Variants in CACNA1A observed in about 807,000 individuals in gnomAD.
The protein encoded by CACNA1A is voltage-dependent P/Q-type calcium channel subunit alpha-1A.
Under a neutral mutation model 262.4 loss-of-function variants are expected in CACNA1A, and 57 were observed. The observed-to-expected ratio is 0.22, with a 90% CI of 0.18 to 0.27. CACNA1A has a LOEUF of 0.27. Among genes scored for constraint, CACNA1A ranks in the 10% least tolerant of loss-of-function variants. The probability of loss-of-function intolerance (pLI) is 1.00; values close to 1 mark genes in which losing one functional copy is unlikely to be tolerated. For synonymous variants in CACNA1A, 1,431 were observed against 1,419.3 expected (o/e 1.01, Z -0.18); for missense variants, 2,526 against 3,562.8 (o/e 0.71, Z 7.41).
At chr19:13,439,434 C>T (rs1254970716) in intron 3 of CACNA1A, among the ~76,000 whole-genome samples, 4 of 144,766 alleles carry the variant, frequency 2.8e-5, no homozygotes, top group African/African-American at 1.0e-4. Flanking sequence ...GAGTCTCGTT[C>T]TGTCGCCCAG....
At chr19:13,348,011 CT>C (rs1479785746) in intron 6 of CACNA1A, among the ~76,000 whole-genome samples, 1 of 152,124 alleles carries the variant, frequency 6.6e-6, no homozygotes, top group Non-Finnish European at 1.5e-5. Context: ...GCTTCAAACC[CT>C]TGGGCTCAGG....
At chr19:13,432,347 G>A (rs1385451279) in intron 3 of CACNA1A, among the ~76,000 whole-genome samples, 3 of 151,342 alleles carry the variant, frequency 2.0e-5, no homozygotes, top group African/African-American at 7.3e-5. Flanking sequence ...CCCAGGAGGC[G>A]GAGGTTGCAG....
chr19:13,314,939 G>T (rs938367940), intron 11 of CACNA1A, among the ~76,000 whole-genome samples: 2 of 152,168 alleles, frequency 1.3e-5, no homozygotes, highest in Non-Finnish European at 2.9e-5. Flanking sequence ...CCCACCAGAA[G>T]TAACTCTGGG....
rs758031682 is a variant in CACNA1A, at chr19:13,380,749, GTTTATTTATTTATTTATTTATTTA to G, written c.540-8994_540-8971del. On this transcript the variant is annotated intron_variant, in intron 3 of 46. Coordinates refer to ENST00000360228, the MANE Select transcript of CACNA1A (RefSeq NM_001127222.2). The stretch of plus-strand genomic sequence containing the variant: ...CATTTATTGGTTTGTTTGTTTGTTT[GTTTATTTATTTATTTATTTATTTA>G]TTTATTTATTTATTTATTTTGAGAC... Among the ~76,000 whole-genome samples, 4 of 80,968 alleles carry G rather than the reference GTTTATTTATTTATTTATTTATTTA, an allele frequency of 4.9e-5. 1 individual carries two copies. The highest frequency in any genetic ancestry group is 2.1e-4 in the Admixed American group (2 of 9,462). 53.1% of individuals were successfully genotyped at this position (80,968 alleles called of 152,430 possible).
chr19:13,383,802 T>C (rs1400221790), intron 3 of CACNA1A, among the ~76,000 whole-genome samples: 4 of 151,580 alleles, frequency 2.6e-5, no homozygotes, highest in Non-Finnish European at 5.9e-5. Context: ...TGGAATTATA[T>C]TGTTTGTTTG....
At position 13,207,308 on chromosome 19, in the gene CACNA1A, CG is replaced by C. The variant is rs1568415069; in HGVS notation, c.*4del. The C allele has an allele frequency of 6.5e-7, 1 of 1,549,736 alleles. No homozygotes were observed. On this transcript the variant is annotated 3_prime_UTR_variant, in exon 47 of 47. Coordinates refer to ENST00000360228, the MANE Select transcript of CACNA1A (RefSeq NM_001127222.2). This position sits in a 1 kb window ranked among gnomAD's most constrained non-coding sequence, Gnocchi z 5.7. Reference sequence around the variant, plus strand: ...GGGGCCGGGCGGGCGCCACCTCGCCCGGGCTTAGCACCAATCATCGTCACTC... The same window carrying C: ...GGGGCCGGGCGGGCGCCACCTCGCCCGGCTTAGCACCAATCATCGTCACTC...
intron 3 of CACNA1A, among the ~76,000 whole-genome samples, chr19:13,406,096 G>A (rs927028965): frequency 2.6e-5 from 4 of 151,870 alleles, no homozygotes; most frequent in African/African-American, 9.7e-5. Context: ...AGGGAGGATC[G>A]CTTGAGGCCA....
At position 13,207,144 on chromosome 19, in the gene CACNA1A, T is replaced by C. The variant is rs1341758535; in HGVS notation, c.*169A>G. On this transcript the variant is annotated 3_prime_UTR_variant, in exon 47 of 47. Transcript: ENST00000360228. The surrounding 1 kb of genome is among the most constrained non-coding windows in gnomAD (Gnocchi z 5.7). ...AGGGTCTCTTTTGGCCGAGGGTCTC[T>C]GCGGGACACCCTTGTGGCCCAGCCC... 6 of 714,258 alleles carry C rather than the reference T, an allele frequency of 8.4e-6. No individual in the cohort carries two copies. The highest frequency in any genetic ancestry group is 4.3e-4 in the Middle Eastern group (1 of 2,346). The allele number at this position is 714,258 out of a possible 1,614,324, so 44.2% of individuals were successfully genotyped here.
chr19:13,207,398 G>C lies in CACNA1A; in HGVS notation c.7436C>G (p.Ala2479Gly), dbSNP rs758817759. The C allele has an allele frequency of 4.6e-6, 7 of 1,538,216 alleles. No homozygotes were observed. The African/African-American group carries it at 9.7e-5, about 21-fold the overall frequency. ...CCCGCGGGGCCTGGCCAGTCCGTGC[G>C]CCGGGTAGTAGCCGTTGGGGAGTCG... ...GRRLPNGYYP[A>G]HGLARPRGPG... Residue 2479 changes from alanine to glycine, a missense_variant, in exon 47 of 47, where the codon GCG becomes GGG. Ala to Gly is a moderately conservative substitution (Grantham distance 60). Around this residue, in one of 17 missense-constraint regions of CACNA1A, gnomAD observed 929 missense variants for 868.1 expected, o/e 1.07. Coordinates refer to ENST00000360228, the MANE Select transcript of CACNA1A (RefSeq NM_001127222.2). This position sits in a 1 kb window ranked among gnomAD's most constrained non-coding sequence, Gnocchi z 5.7.
In CACNA1A at chr19:13,436,824, G is replaced by T. The variant is rs372986590; in HGVS notation, c.539+16052C>A. ...GAGATCAGGGAAGGCTTCCTTCCTG[G>T]AGGAAGAGACAGTATCATATCAGTA... On this transcript the variant is annotated intron_variant, in intron 3 of 46. Coordinates refer to ENST00000360228, the MANE Select transcript of CACNA1A (RefSeq NM_001127222.2). Among the ~76,000 whole-genome samples the T allele has an allele frequency of 2.0e-5, 3 of 152,200 alleles. No individual in the cohort carries two copies. The East Asian group carries it at 5.8e-4, about 29-fold the overall frequency.
At chr19:13,235,146 C>T in intron 33 of CACNA1A, 63 bp downstream of exon 33, 1 of 1,576,354 alleles carries the variant, frequency 6.3e-7, no homozygotes, top group Non-Finnish European at 8.7e-7. Context: ...TCTGACCCAC[C>T]CCTTTCTAAG....
intron 6 of CACNA1A, among the ~76,000 whole-genome samples, chr19:13,336,741 G>A (rs2058584193): frequency 6.6e-6 from 1 of 152,130 alleles, no homozygotes; most frequent in Admixed American, 6.5e-5. Flanking sequence ...TAATCCTCAT[G>A]ATGCCTCTAT....
intron 24 of CACNA1A, among the ~76,000 whole-genome samples, chr19:13,268,800 ACC>A (rs2056936391): frequency 1.3e-5 from 2 of 150,016 alleles, no homozygotes; most frequent in Non-Finnish European, 3.0e-5. Context: ...TCTCCTCCAC[ACC>A]CCCTCATCTC....
chr19:13,226,748 A>C (rs1222687258), intron 37 of CACNA1A, among the ~76,000 whole-genome samples: 1 of 152,170 alleles, frequency 6.6e-6, no homozygotes, highest in Non-Finnish European at 1.5e-5. Flanking sequence ...CATGGCCTGC[A>C]TCAGTGTGCC....
intron 3 of CACNA1A, among the ~76,000 whole-genome samples, chr19:13,414,547 C>T (rs985277773): frequency 2.0e-5 from 3 of 152,158 alleles, no homozygotes; most frequent in Admixed American, 2.0e-4. Flanking sequence ...ACAGAAGACC[C>T]TCATGATCCC....
intron 3 of CACNA1A, among the ~76,000 whole-genome samples, chr19:13,411,468 T>G (rs577908938): frequency 2.8e-4 from 43 of 152,316 alleles, no homozygotes; most frequent in African/African-American, 1.0e-3. Context: ...CAAGCTCTCT[T>G]GCCTGCTGCC....
chr19:13,452,200 G>C (rs1024072870), intron 3 of CACNA1A: 2 of 152,074 alleles, frequency 1.3e-5, no homozygotes, highest in East Asian at 3.9e-4. Flanking sequence ...CCTAGCTTTG[G>C]ATCTTTTGTT....
chr19:13,426,288 T>C (rs1031986874), intron 3 of CACNA1A, among the ~76,000 whole-genome samples: 2 of 152,224 alleles, frequency 1.3e-5, no homozygotes, highest in African/African-American at 4.8e-5. Context: ...TTGCATATTA[T>C]ACTTAAAGAA....
At chr19:13,281,550 C>T (rs1267818955) in intron 22 of CACNA1A, among the ~76,000 whole-genome samples, 3 of 151,820 alleles carry the variant, frequency 2.0e-5, no homozygotes, top group Non-Finnish European at 4.4e-5. Context: ...TGGGCATCGG[C>T]GGGTGCTGAG....
Sources: gnomAD v4.1 joint callset for allele counts (sites outside exome capture counted in the v4.1 genomes callset) on GRCh38, gnomAD v4.1.1 for gene constraint, gnomAD v4.1.1 regional missense constraint, Gnocchi (gnomAD v3.1) non-coding constraint, MANE v1.5 for transcripts, NCBI Gene and HGNC (gene_info 2026-07-23, HGNC 2026-07-21) for gene names.